The following EPHA5 variants were observed in gnomAD, a reference collection of about 807,000 sequenced individuals.
The protein encoded by EPHA5 is ephrin type-A receptor 5.
In EPHA5, 60 loss-of-function variants were observed where a neutral mutation model predicts 105.0. That is an observed-to-expected ratio of 0.57 (90% CI 0.46 to 0.71). The LOEUF is 0.71. EPHA5 is among the 30% of genes least tolerant of loss of function. The pLI is 0.00. For missense variants in EPHA5, 1,218 were observed against 1,274.7 expected (o/e 0.96, Z 0.68); for synonymous variants, 513 against 449.1 (o/e 1.14, Z -1.80).
rs1485093766 is a variant in EPHA5, at chr4:65,321,768, T to A, written c.*2346A>T. The A allele has an allele frequency of 4.4e-6, 1 of 227,936 alleles. No homozygotes were observed. Among genetic ancestry groups the A allele is most frequent in the African/African-American group, 2.2e-5 (1 of 45,000 alleles). 14.1% of individuals were successfully genotyped at this position (227,936 alleles called of 1,614,324 possible). ...GATACACTCCACCCGGACCTCCTAA[T>A]TATCTTTCAGCATATAAAGTTGGAA... On this transcript the variant is annotated 3_prime_UTR_variant, in exon 17 of 17. Transcript: ENST00000613740.
intron 8 of EPHA5, among the ~76,000 whole-genome samples, chr4:65,399,261 A>T (rs1721574452): frequency 6.6e-6 from 1 of 152,220 alleles, no homozygotes. Flanking sequence ...TGCTGGTATC[A>T]GGAGCAACCC....
intron 5 of EPHA5, among the ~76,000 whole-genome samples, chr4:65,450,888 T>C (rs12509831): frequency 0.2 from 31,018 of 152,194 alleles, 3,969 homozygotes; most frequent in Middle Eastern, 0.34. Context: ...TTTTATGCAC[T>C]TTAACTTAAA....
chr4:65,403,764 T>C (rs1365940429), intron 8 of EPHA5, among the ~76,000 whole-genome samples: 1 of 152,140 alleles, frequency 6.6e-6, no homozygotes, highest in Non-Finnish European at 1.5e-5. Context: ...TAATATATTA[T>C]ATATTCATGT....
chr4:65,327,630 A>G (rs937475131), intron 16 of EPHA5, among the ~76,000 whole-genome samples: 1 of 151,328 alleles, frequency 6.6e-6, no homozygotes, highest in Non-Finnish European at 1.5e-5. Flanking sequence ...GTACCTTTAT[A>G]CATGTGATTT....
At chr4:65,439,649 C>T (rs779026808) in intron 5 of EPHA5, among the ~76,000 whole-genome samples, 5 of 152,052 alleles carry the variant, frequency 3.3e-5, no homozygotes, top group South Asian at 2.1e-4. Context: ...TAAAGACAGA[C>T]GACAGGGTAT....
chr4:65,579,903 G>A (rs1438074241), intron 3 of EPHA5, among the ~76,000 whole-genome samples: 2 of 151,880 alleles, frequency 1.3e-5, no homozygotes, highest in Non-Finnish European at 2.9e-5. Flanking sequence ...AGTACCTTAA[G>A]TTAATGAAAA....
At chr4:65,463,817 G>A (rs368546127) in intron 5 of EPHA5, among the ~76,000 whole-genome samples, 1 of 151,948 alleles carries the variant, frequency 6.6e-6, no homozygotes, top group Non-Finnish European at 1.5e-5. Context: ...GCCAGAAAAT[G>A]AATGCTTATA....
intron 3 of EPHA5, among the ~76,000 whole-genome samples, chr4:65,567,925 T>C (rs567414401): frequency 1.4e-4 from 21 of 151,646 alleles, no homozygotes; most frequent in Non-Finnish European, 2.7e-4. Context: ...TCCTATTCTT[T>C]GAATTTTTTT....
intron 3 of EPHA5, among the ~76,000 whole-genome samples, chr4:65,500,084 A>G (rs1018935250): frequency 1.3e-5 from 2 of 151,460 alleles, no homozygotes; most frequent in Admixed American, 1.3e-4. Context: ...GATATTTTAC[A>G]TTTTAATCAT....
intron 7 of EPHA5, among the ~76,000 whole-genome samples, chr4:65,408,961 T>A (rs1436943945): frequency 2.6e-5 from 4 of 151,558 alleles, no homozygotes; most frequent in Admixed American, 6.6e-5. Flanking sequence ...AATGATAGAC[T>A]GGATTAAGAA....
rs186689344 is a variant in EPHA5, at chr4:65,436,289, G to A, written c.1403-15724C>T. On this transcript the variant is annotated intron_variant, in intron 5 of 16. Transcript: ENST00000613740. ...TTAAGACAGTATTTAACACTTTGGA[G>A]AAATGTTTCTATGTTTCCTAATCAA... 2.3e-3 allele frequency among the ~76,000 whole-genome samples: 354 copies of A among 151,988 alleles called. 1 individual carries two copies. The highest frequency in any genetic ancestry group is 4.5e-3 in the Non-Finnish European group (307 of 67,858).
chr4:65,451,837 A>G (rs1727097837), intron 5 of EPHA5, among the ~76,000 whole-genome samples: 2 of 152,154 alleles, frequency 1.3e-5, no homozygotes, highest in Admixed American at 1.3e-4. Context: ...GTGACTGCAA[A>G]TGAGAAGAGT....
intron 3 of EPHA5, among the ~76,000 whole-genome samples, chr4:65,520,453 G>A (rs1389526496): frequency 6.6e-6 from 1 of 152,156 alleles, no homozygotes; most frequent in Non-Finnish European, 1.5e-5. Context: ...ATACCATTCA[G>A]GTCATGGTCA....
At chr4:65,577,793 G>T (rs1013799083) in intron 3 of EPHA5, among the ~76,000 whole-genome samples, 3 of 151,840 alleles carry the variant, frequency 2.0e-5, no homozygotes. Context: ...TCATGTTAAA[G>T]AAAAAAAGGT....
At chr4:65,468,678 A>AATATATATATAAAATATATAT (rs1560572066) in intron 5 of EPHA5, among the ~76,000 whole-genome samples, 1 of 132,274 alleles carries the variant, frequency 7.6e-6, no homozygotes, top group Non-Finnish European at 1.6e-5. Context: ...TAACATATAT[A>AATATATATATAAAATATATAT]CATATATATA....
chr4:65,485,090 T>C (rs895584125), intron 5 of EPHA5, among the ~76,000 whole-genome samples: 1 of 151,742 alleles, frequency 6.6e-6, no homozygotes, highest in African/African-American at 2.4e-5. Flanking sequence ...ATTCATTTTA[T>C]AAGATTAATA....
chr4:65,483,667 G>A (rs1317901335), intron 5 of EPHA5, among the ~76,000 whole-genome samples: 2 of 152,052 alleles, frequency 1.3e-5, no homozygotes, highest in Non-Finnish European at 2.9e-5. Context: ...AAGTTATTAG[G>A]GTCACGTGAT....
At chr4:65,421,721 A>G (rs1472184112) in intron 5 of EPHA5, among the ~76,000 whole-genome samples, 1 of 152,122 alleles carries the variant, frequency 6.6e-6, no homozygotes, top group Non-Finnish European at 1.5e-5. Flanking sequence ...TATATTTAAT[A>G]TGTATGCTTC....
chr4:65,371,198 G>C (rs1206031262), intron 8 of EPHA5, among the ~76,000 whole-genome samples: 1 of 151,818 alleles, frequency 6.6e-6, no homozygotes, highest in East Asian at 1.9e-4. Context: ...TCTGTATTTA[G>C]AGGAATCACA....
Sources: allele counts gnomAD v4.1 joint callset (sites outside exome capture counted in the v4.1 genomes callset), GRCh38; gene constraint gnomAD v4.1.1; transcripts MANE v1.5; gene names NCBI Gene and HGNC (gene_info 2026-07-23, HGNC 2026-07-21).